Variants in ZDHHC11B observed in about 807,000 individuals in gnomAD.
ZDHHC11B encodes the protein probable palmitoyltransferase ZDHHC11B.
In ZDHHC11B, 17 loss-of-function variants were observed where a neutral mutation model predicts 42.3. That is an observed-to-expected ratio of 0.40 (90% CI 0.27 to 0.60). The LOEUF (loss-of-function observed/expected upper bound fraction) is 0.60. ZDHHC11B is among the 20% of genes least tolerant of loss of function. ZDHHC11B has a pLI of 0.41. For missense variants in ZDHHC11B, 262 were observed against 463.2 expected (o/e 0.57, Z 3.99); for synonymous variants, 123 against 193.5 (o/e 0.64, Z 3.02).
chr5:722,759 T>C lies in ZDHHC11B; in HGVS notation c.1059-5894A>G, dbSNP rs534249340. ...TGGAAGCCATCTCCATGCCCAACCATAGCAGAGGGGGTAATTAAGTGTGGT... is the reference window on the plus strand; with the variant it reads ...TGGAAGCCATCTCCATGCCCAACCACAGCAGAGGGGGTAATTAAGTGTGGT... On this transcript the variant is annotated intron_variant, in intron 12 of 13. Coordinates refer to ENST00000508859, the MANE Select transcript of ZDHHC11B (RefSeq NM_001351303.2). 4.6e-5 allele frequency among the ~76,000 whole-genome samples: 7 copies of C among 151,294 alleles called. No homozygotes were observed. In the East Asian group the frequency reaches 1.2e-3, roughly 25 times the overall value.
chr5:728,043 A>C (rs1231255145), intron 12 of ZDHHC11B, among the ~76,000 whole-genome samples: 1 of 149,998 alleles, frequency 6.7e-6, no homozygotes, highest in African/African-American at 2.5e-5. Flanking sequence ...TACTATCCCT[A>C]ATGTGCAAAG....
intron 4 of ZDHHC11B, among the ~76,000 whole-genome samples, chr5:758,352 G>A (rs1194208572): frequency 6.6e-6 from 1 of 151,910 alleles, no homozygotes; most frequent in African/African-American, 2.4e-5. Flanking sequence ...CTCAGGCTGA[G>A]GATGCCCTCC....
At chr5:756,239 G>C in intron 4 of ZDHHC11B, 95 bp from the exon 5 acceptor site, 2 of 1,522,920 alleles carry the variant, frequency 1.3e-6, no homozygotes, top group East Asian at 2.4e-5. Flanking sequence ...CGTGGCCACT[G>C]GTCAGCCCTG....
chr5:722,481 G>A, intron 12 of ZDHHC11B, among the ~76,000 whole-genome samples: 1 of 151,554 alleles, frequency 6.6e-6, no homozygotes, highest in Non-Finnish European at 1.5e-5. Flanking sequence ...ACTGAAGTAG[G>A]CCACAATAAG....
intron 1 of ZDHHC11B, among the ~76,000 whole-genome samples, chr5:779,057 G>A (rs1339191655): frequency 6.6e-6 from 1 of 151,204 alleles, no homozygotes; most frequent in African/African-American, 2.5e-5. Context: ...CCAGCCTCCA[G>A]AACTGTGAGA....
intron 13 of ZDHHC11B, among the ~76,000 whole-genome samples, chr5:713,067 A>C (rs1175922000): frequency 6.6e-6 from 1 of 150,960 alleles, no homozygotes; most frequent in Non-Finnish European, 1.5e-5. Context: ...GCAAATTCTC[A>C]GCCAAATCTC....
rs529539855 is a variant in ZDHHC11B, at chr5:716,429, C to T, written c.*7+372G>A. Among the ~76,000 whole-genome samples, 20 of 151,816 alleles carry T rather than the reference C, an allele frequency of 1.3e-4. 3 individuals are homozygous for T. Among genetic ancestry groups the T allele is most frequent in the Non-Finnish European group, 2.4e-4 (16 of 67,998 alleles). On this transcript the variant is annotated intron_variant, in intron 13 of 13. Transcript: ENST00000508859. ...AAGCAGGGATAGGTAGGATCAGAGG[C>T]ATCTAATCAGAAACCATCTTAAAAT...
intron 1 of ZDHHC11B, among the ~76,000 whole-genome samples, chr5:770,484 C>T (rs1373831199): frequency 1.1e-4 from 17 of 151,012 alleles, no homozygotes; most frequent in African/African-American, 3.6e-4. Context: ...GAGCCTATTC[C>T]GGGTCCCCTC....
intron 3 of ZDHHC11B, 137 bp downstream of exon 3, chr5:767,255 G>T: frequency 9.3e-7 from 1 of 1,080,350 alleles, no homozygotes; most frequent in Non-Finnish European, 1.3e-6. Flanking sequence ...TGAAAGCAAC[G>T]GGAAGACCTG....
In ZDHHC11B at chr5:766,086, A is replaced by G. The variant is rs775811947; in HGVS notation, c.222+612T>C. Among the ~76,000 whole-genome samples, 23 of 151,992 alleles carry G rather than the reference A, an allele frequency of 1.5e-4. 1 individual carries two copies. Among genetic ancestry groups the G allele is most frequent in the Non-Finnish European group, 3.1e-4 (21 of 67,922 alleles). On this transcript the variant is annotated intron_variant, in intron 4 of 13. Transcript: ENST00000508859. ...GCCTGGGGTTTCTCAACTGAATGCC[A>G]TGGTCAGCTGGAGGTAGTGCAGAGC...
intron 11 of ZDHHC11B, chr5:732,546 G>C (rs1443037712): frequency 7.5e-6 from 3 of 399,206 alleles, no homozygotes; most frequent in African/African-American, 6.2e-5. Flanking sequence ...TGGAAGTGCA[G>C]GCAAGGGGCA....
chr5:757,557 G>A (rs1295997508), intron 4 of ZDHHC11B, among the ~76,000 whole-genome samples: 1 of 151,910 alleles, frequency 6.6e-6, no homozygotes, highest in African/African-American at 2.4e-5. Flanking sequence ...TCCCTGATGA[G>A]GGTCCCGTAA....
In ZDHHC11B at chr5:772,969, C is replaced by T. The variant is rs150586584; in HGVS notation, c.-229-4039G>A. Among the ~76,000 whole-genome samples the T allele has an allele frequency of 4.7e-4, 71 of 152,032 alleles. 3 individuals are homozygous for T. The East Asian group carries it at 9.1e-3, about 19-fold the overall frequency. ...ACTAAAAATGACAGAATGAATTAGG[C>T]ACGATGTGCCGCTGTGGGAAGACAG... is the stretch of plus-strand genomic sequence containing the variant. On this transcript the variant is annotated intron_variant, in intron 1 of 13. Coordinates refer to ENST00000508859, the MANE Select transcript of ZDHHC11B (RefSeq NM_001351303.2).
At chr5:719,790 TGCACTTTCAGTTACCTCTGGGCAA>T (rs2126962466) in intron 12 of ZDHHC11B, among the ~76,000 whole-genome samples, 1 of 151,904 alleles carries the variant, frequency 6.6e-6, no homozygotes, top group Non-Finnish European at 1.5e-5. Flanking sequence ...TTGTGTTTTC[TGCACTTTCAGTTACCTCTGGGCAA>T]CCACAGTCCA....
chr5:724,501 G>C (rs1425136518), intron 12 of ZDHHC11B, among the ~76,000 whole-genome samples: 2 of 138,830 alleles, frequency 1.4e-5, no homozygotes, highest in Non-Finnish European at 3.1e-5. Context: ...TCAGCCTCCC[G>C]AGTAGCTGGG....
chr5:769,891 G>A (rs1486064560), intron 1 of ZDHHC11B, among the ~76,000 whole-genome samples: 16 of 151,926 alleles, frequency 1.1e-4, no homozygotes, highest in African/African-American at 3.4e-4. Context: ...AAGGCCTCTC[G>A]GCAGCTTTTC....
intron 10 of ZDHHC11B, among the ~76,000 whole-genome samples, chr5:739,150 G>A (rs1579296319): frequency 7.3e-6 from 1 of 137,052 alleles, no homozygotes; most frequent in African/African-American, 3.6e-5. Context: ...TGTAATCCCA[G>A]TCCTTACAGA....
At chr5:746,202 G>A (rs1744792070) in intron 8 of ZDHHC11B, among the ~76,000 whole-genome samples, 3 of 146,968 alleles carry the variant, frequency 2.0e-5, no homozygotes, top group African/African-American at 7.4e-5. Context: ...CCAACACCGT[G>A]AGAGCCGATG....
At chr5:741,075 A>G (rs1263960917) in intron 10 of ZDHHC11B, among the ~76,000 whole-genome samples, 1 of 124,110 alleles carries the variant, frequency 8.1e-6, no homozygotes, top group East Asian at 2.9e-4. Context: ...AAATAAAACG[A>G]ACCGCACTGC....
Sources: allele counts gnomAD v4.1 joint callset (sites outside exome capture counted in the v4.1 genomes callset), GRCh38; gene constraint gnomAD v4.1.1; transcripts MANE v1.5; gene names NCBI Gene and HGNC (gene_info 2026-07-23, HGNC 2026-07-21).